The following UBE2U variants were observed in gnomAD, a reference collection of about 807,000 sequenced individuals.
The protein encoded by UBE2U is ubiquitin-conjugating enzyme E2 U.
Under a neutral mutation model 41.2 loss-of-function variants are expected in UBE2U, and 39 were observed. That is an observed-to-expected ratio of 0.95 (90% confidence interval 0.73 to 1.24). The LOEUF is 1.24. UBE2U is among the 50% of genes most tolerant of loss of function. The pLI is 0.00. For missense variants in UBE2U, 336 were observed against 363.1 expected, an observed-to-expected ratio of 0.93 and a Z score of 0.61; for synonymous variants, 107 against 117.8, an observed-to-expected ratio of 0.91 and a Z score of 0.60.
chr1:64,223,608 A>G (rs1364424270), intron 6 of UBE2U, among the ~76,000 whole-genome samples: 1 of 152,162 alleles, frequency 6.6e-6, no homozygotes, highest in Non-Finnish European at 1.5e-5. Context: ...TGCAATCAGC[A>G]TTTTATTGGG....
chr1:64,262,782 C>T (rs1320623426), intron 9 of UBE2U, among the ~76,000 whole-genome samples: 1 of 152,186 alleles, frequency 6.6e-6, no homozygotes, highest in African/African-American at 2.4e-5. Flanking sequence ...GAGGAGTTTA[C>T]ACTCAGGTGT....
intron 8 of UBE2U, among the ~76,000 whole-genome samples, chr1:64,257,373 A>G (rs1020707371): frequency 2.0e-5 from 3 of 152,202 alleles, no homozygotes; most frequent in African/African-American, 7.2e-5. Context: ...AATGCCCTTC[A>G]ATGATAGACT....
chr1:64,249,085 CCAGT>C (rs1325593245), intron 8 of UBE2U, among the ~76,000 whole-genome samples: 1 of 152,064 alleles, frequency 6.6e-6, no homozygotes, highest in Non-Finnish European at 1.5e-5. Context: ...TGAAAAATCA[CCAGT>C]CAGCCAGGCG....
chr1:64,238,992 T>C (rs1241351654), intron 7 of UBE2U, among the ~76,000 whole-genome samples: 1 of 149,574 alleles, frequency 6.7e-6, no homozygotes, highest in Non-Finnish European at 1.5e-5. Flanking sequence ...CAGTGAGCGA[T>C]GATCATGCCA....
At chr1:64,221,413 G>A (rs139644634) in intron 6 of UBE2U, among the ~76,000 whole-genome samples, 100 of 152,134 alleles carry the variant, frequency 6.6e-4, no homozygotes, top group Non-Finnish European at 1.1e-3. Flanking sequence ...GTGCCCGGCC[G>A]ATCTTGCCTT....
chr1:64,233,198 G>A (rs1344670422), intron 7 of UBE2U, among the ~76,000 whole-genome samples: 2 of 151,904 alleles, frequency 1.3e-5, no homozygotes, highest in African/African-American at 4.8e-5. Context: ...TAATAGAGAC[G>A]GGGTTTCAGT....
intron 9 of UBE2U, among the ~76,000 whole-genome samples, chr1:64,265,954 A>G (rs1455231330): frequency 2.6e-5 from 4 of 152,230 alleles, no homozygotes; most frequent in Non-Finnish European, 5.9e-5. Context: ...ACATTAGAAG[A>G]CAGCAAATAT....
chr1:64,232,498 A>T lies in UBE2U; in HGVS notation c.507-63A>T, dbSNP rs911306987. The T allele has an allele frequency of 4.1e-6, 5 of 1,220,998 alleles. No individual in the cohort carries two copies. The East Asian group carries it at 1.2e-4, about 29-fold the overall frequency. 75.6% of individuals were successfully genotyped at this position (1,220,998 alleles called of 1,614,324 possible). A position where few individuals can be genotyped will look rare whatever the true frequency, so the allele number is the denominator to read the frequency against. On this transcript the variant is annotated intron_variant, in intron 6 of 9. Transcript: ENST00000371077. Reference sequence around the variant, plus strand: ...TTATGTGAACAGTCCATATAGCAGTACAATAATTTTAAAAAGAAAATTTAC... The same window carrying T: ...TTATGTGAACAGTCCATATAGCAGTTCAATAATTTTAAAAAGAAAATTTAC...
At chr1:64,208,128 A>G (rs1253766842) in intron 3 of UBE2U, among the ~76,000 whole-genome samples, 1 of 152,232 alleles carries the variant, frequency 6.6e-6, no homozygotes, top group Non-Finnish European at 1.5e-5. Flanking sequence ...AAAATATAAC[A>G]TACATATTTA....
At chr1:64,219,523 T>C (rs1348997965) in intron 5 of UBE2U, among the ~76,000 whole-genome samples, 1 of 152,084 alleles carries the variant, frequency 6.6e-6, no homozygotes, top group Non-Finnish European at 1.5e-5. Context: ...CTCTTCATTT[T>C]CCCTATTGAC....
chr1:64,208,642 A>G (rs1651463972), intron 3 of UBE2U, among the ~76,000 whole-genome samples: 2 of 108,628 alleles, frequency 1.8e-5, no homozygotes, highest in African/African-American at 3.4e-5. Context: ...AAAAAAAAAA[A>G]AAAAGATGTT....
Position 64,239,157 on chromosome 1 carries a change from A to AAAAGAAGAAGAAGAAGAAGAAGAAG in UBE2U, c.596-2493_596-2492insAGAAGAAGAAGAAGAAGAAGAAGAA, listed in dbSNP as rs1644770889. 5.1e-3 allele frequency among the ~76,000 whole-genome samples: 188 copies of AAAAGAAGAAGAAGAAGAAGAAGAAG among 37,064 alleles called. 7 individuals carry two copies. Among genetic ancestry groups the AAAAGAAGAAGAAGAAGAAGAAGAAG allele is most frequent in the Middle Eastern group, 0.03 (2 of 66 alleles). 24.3% of individuals were successfully genotyped at this position (37,064 alleles called of 152,430 possible). On this transcript the variant is annotated intron_variant, in intron 7 of 9. Transcript: ENST00000371077. ...GAAGAAGAAGAAGAAGAAGAAGAAGAAAGAAGAAGAAGAAGAAGAAGAAGA... is the reference window on the plus strand; with the variant it reads ...GAAGAAGAAGAAGAAGAAGAAGAAGAAAAGAAGAAGAAGAAGAAGAAGAAGAAGAAGAAGAAGAAGAAGAAGAAGA...
chr1:64,225,574 A>G (rs1652809727), intron 6 of UBE2U, among the ~76,000 whole-genome samples: 2 of 152,248 alleles, frequency 1.3e-5, no homozygotes, highest in South Asian at 4.1e-4. Context: ...TGAAGGATCT[A>G]AGGTGGAAGC....
chr1:64,242,492 T>C (rs1644852385), intron 8 of UBE2U, among the ~76,000 whole-genome samples: 1 of 152,208 alleles, frequency 6.6e-6, no homozygotes, highest in Non-Finnish European at 1.5e-5. Context: ...GCTCTTCAGT[T>C]TACTGTTAAC....
chr1:64,242,090 A>T (rs931604426), intron 8 of UBE2U, among the ~76,000 whole-genome samples: 3 of 152,094 alleles, frequency 2.0e-5, no homozygotes, highest in African/African-American at 7.2e-5. Flanking sequence ...AAAAAACTAT[A>T]TATCATCAAT....
intron 6 of UBE2U, among the ~76,000 whole-genome samples, chr1:64,221,876 G>C (rs761189688): frequency 4.6e-5 from 7 of 152,126 alleles, no homozygotes; most frequent in Non-Finnish European, 8.8e-5. Flanking sequence ...CAGGAGGTCA[G>C]AAGATCGAGA....
intron 6 of UBE2U, 120 bp from the exon 7 acceptor site, chr1:64,232,441 T>C: frequency 1.7e-6 from 1 of 578,744 alleles, no homozygotes; most frequent in Non-Finnish European, 3.0e-6. Context: ...TGTTACAATT[T>C]GCAAGTCAGT....
At chr1:64,248,372 A>C (rs995599090) in intron 8 of UBE2U, among the ~76,000 whole-genome samples, 36 of 152,222 alleles carry the variant, frequency 2.4e-4, no homozygotes, top group African/African-American at 8.4e-4. Flanking sequence ...AGAAGAAGGC[A>C]GGAATGAGAA....
chr1:64,229,217 A>G (rs1476440982), intron 6 of UBE2U, among the ~76,000 whole-genome samples: 1 of 151,770 alleles, frequency 6.6e-6, no homozygotes, highest in Non-Finnish European at 1.5e-5. Context: ...CTGGTCTCGA[A>G]CTCCTGACCT....
Sources: gnomAD v4.1 joint callset for allele counts (sites outside exome capture counted in the v4.1 genomes callset) on GRCh38, gnomAD v4.1.1 for gene constraint, MANE v1.5 for transcripts, NCBI Gene and HGNC (gene_info 2026-07-23, HGNC 2026-07-21) for gene names.